Variants in ADK observed in about 807,000 individuals in gnomAD.
ADK encodes the protein adenosine kinase.
A neutral mutation model predicts 44.7 loss-of-function variants in ADK; 24 were observed. The observed-to-expected ratio is 0.54, with a 90% CI of 0.39 to 0.76. The LOEUF is 0.76. ADK is among the 30% of genes least tolerant of loss of function. The pLI is 0.00. For missense variants in ADK, 321 were observed against 425.1 expected (o/e 0.76, Z 2.15); for synonymous variants, 128 against 142.6 (o/e 0.90, Z 0.73).
At chr10:74,445,148 A>G (rs541296674) in intron 6 of ADK, among the ~76,000 whole-genome samples, 1 of 152,092 alleles carries the variant, frequency 6.6e-6, no homozygotes, top group Non-Finnish European at 1.5e-5. Flanking sequence ...TACCAAAAAA[A>G]ATTTTCTCGC....
At chr10:74,312,348 A>G (rs1437047795) in intron 3 of ADK, among the ~76,000 whole-genome samples, 1 of 151,724 alleles carries the variant, frequency 6.6e-6, no homozygotes, top group Non-Finnish European at 1.5e-5. Context: ...TATGAGAGAT[A>G]GTTATAAGAT....
At chr10:74,281,240 C>T (rs1846920832) in intron 3 of ADK, among the ~76,000 whole-genome samples, 1 of 152,218 alleles carries the variant, frequency 6.6e-6, no homozygotes, top group South Asian at 2.1e-4. Flanking sequence ...GATCACTTAA[C>T]AGATACCCAT....
At chr10:74,556,783 A>G (rs1850264496) in intron 7 of ADK, among the ~76,000 whole-genome samples, 1 of 152,178 alleles carries the variant, frequency 6.6e-6, no homozygotes, top group South Asian at 2.1e-4. Flanking sequence ...TTGTTGTGTA[A>G]GGTTTTAAAA....
chr10:74,533,921 A>G (rs557221194), intron 7 of ADK, among the ~76,000 whole-genome samples: 60 of 152,350 alleles, frequency 3.9e-4, no homozygotes, highest in Middle Eastern at 3.4e-3. Context: ...TGATATTTCC[A>G]TAGAATAGAA....
At chr10:74,254,064 G>A (rs1317802710) in intron 3 of ADK, among the ~76,000 whole-genome samples, 1 of 152,042 alleles carries the variant, frequency 6.6e-6, no homozygotes, top group African/African-American at 2.4e-5. Flanking sequence ...ACCGTGCCTG[G>A]CCTACACTGT....
intron 1 of ADK, among the ~76,000 whole-genome samples, chr10:74,197,687 G>A (rs929334417): frequency 2.3e-5 from 3 of 130,690 alleles, no homozygotes; most frequent in South Asian, 2.4e-4. Context: ...GACAGAGAGA[G>A]ACTCCGTCTA....
At chr10:74,387,540 TTTTTTCTTTCTAGTTTGTAACCA>T in intron 4 of ADK, among the ~76,000 whole-genome samples, 1 of 152,296 alleles carries the variant, frequency 6.6e-6, no homozygotes, top group African/African-American at 2.4e-5. Context: ...TGTATGACTC[TTTTTTCTTTCTAGTTTGTAACCA>T]TTTTGGAAGA....
intron 3 of ADK, among the ~76,000 whole-genome samples, chr10:74,288,246 A>G (rs1847265682): frequency 6.6e-6 from 1 of 152,218 alleles, no homozygotes; most frequent in Admixed American, 6.5e-5. Context: ...CTTGAAGTAC[A>G]GTGAATCATG....
At chr10:74,428,847 C>G (rs1447482481) in intron 6 of ADK, among the ~76,000 whole-genome samples, 1 of 151,948 alleles carries the variant, frequency 6.6e-6, no homozygotes, top group East Asian at 1.9e-4. Flanking sequence ...AGTATCACCT[C>G]CAGTGAGAGT....
intron 1 of ADK, among the ~76,000 whole-genome samples, chr10:74,169,405 A>T (rs889678983): frequency 3.9e-5 from 6 of 152,218 alleles, no homozygotes; most frequent in Non-Finnish European, 7.3e-5. Flanking sequence ...ATTGATAAGC[A>T]GTGTTATCTT....
At chr10:74,486,610 T>C (rs1042486400) in intron 6 of ADK, among the ~76,000 whole-genome samples, 3 of 152,184 alleles carry the variant, frequency 2.0e-5, no homozygotes, top group Non-Finnish European at 4.4e-5. Flanking sequence ...AAGTGATGTA[T>C]GGATTATGGC....
At chr10:74,483,498 A>G (rs964857410) in intron 6 of ADK, among the ~76,000 whole-genome samples, 1 of 152,160 alleles carries the variant, frequency 6.6e-6, no homozygotes, top group East Asian at 1.9e-4. Flanking sequence ...TACTTATGCA[A>G]ATTTCTACAG....
intron 1 of ADK, among the ~76,000 whole-genome samples, chr10:74,193,704 G>A (rs962835447): frequency 1.3e-5 from 2 of 152,140 alleles, no homozygotes; most frequent in East Asian, 3.8e-4. Flanking sequence ...GGGAGGTTGA[G>A]CCTGCAGTGA....
At chr10:74,652,766 A>G (rs1362924388) in intron 9 of ADK, among the ~76,000 whole-genome samples, 1 of 143,926 alleles carries the variant, frequency 6.9e-6, no homozygotes, top group Non-Finnish European at 1.5e-5. Flanking sequence ...TATCAAAAAG[A>G]AAAAAAAAAA....
chr10:74,518,620 A>T (rs1848690274), intron 6 of ADK, among the ~76,000 whole-genome samples: 1 of 152,236 alleles, frequency 6.6e-6, no homozygotes, highest in Non-Finnish European at 1.5e-5. Context: ...GATATTTCTT[A>T]CAATTTATTT....
intron 9 of ADK, among the ~76,000 whole-genome samples, chr10:74,640,529 A>C (rs2134095808): frequency 6.6e-6 from 1 of 152,344 alleles, no homozygotes; most frequent in Admixed American, 6.5e-5. Context: ...ATTTTGTTCA[A>C]CTATAAAGTA....
At chr10:74,569,831 G>C (rs1429290602) in intron 7 of ADK, among the ~76,000 whole-genome samples, 3 of 152,168 alleles carry the variant, frequency 2.0e-5, no homozygotes, top group Non-Finnish European at 4.4e-5. Flanking sequence ...TGGTGTCTTA[G>C]ATTTGAAGTC....
At chr10:74,619,784 G>A (rs1315428751) in intron 9 of ADK, among the ~76,000 whole-genome samples, 1 of 152,150 alleles carries the variant, frequency 6.6e-6, no homozygotes, top group Admixed American at 6.5e-5. Flanking sequence ...GCAGTGGCGT[G>A]ATCACAGCTC....
chr10:74,341,823 C>G (rs1841591815), intron 4 of ADK, among the ~76,000 whole-genome samples: 1 of 152,078 alleles, frequency 6.6e-6, no homozygotes, highest in South Asian at 2.1e-4. Flanking sequence ...ATATGTAATT[C>G]AAAACCAGCA....
Sources: gnomAD v4.1 joint callset for allele counts (sites outside exome capture counted in the v4.1 genomes callset) on GRCh38, gnomAD v4.1.1 for gene constraint, MANE v1.5 for transcripts, NCBI Gene and HGNC (gene_info 2026-07-23, HGNC 2026-07-21) for gene names.